C9orf85: variants seen among roughly 807,000 people sequenced by gnomAD.
The protein encoded by C9orf85 is uncharacterized protein C9orf85.
A neutral mutation model predicts 14.9 loss-of-function variants in C9orf85; 16 were observed. The observed-to-expected ratio is 1.08, with a 90% CI of 0.73 to 1.63. C9orf85 has a LOEUF of 1.63. C9orf85 is among the 40% of genes most tolerant of loss of function. The probability of loss-of-function intolerance (pLI) is 0.00; values close to 1 mark genes in which losing one functional copy is unlikely to be tolerated. For missense variants in C9orf85, 172 were observed against 186.1 expected, an observed-to-expected ratio of 0.92 and a Z score of 0.44; for synonymous variants, 45 against 56.8, an observed-to-expected ratio of 0.79 and a Z score of 0.93.
rs140429938 is a variant in C9orf85, at chr9:71,917,141, T to G, written c.102+5305T>G. On this transcript the variant is annotated intron_variant, in intron 1 of 3. Coordinates refer to ENST00000334731, the MANE Select transcript of C9orf85 (RefSeq NM_182505.5). ...AGCCCTCCATGTGTATGTGTGATTT[T>G]AAAAAATATATGTACTGTATTTTTG... Among the ~76,000 whole-genome samples the G allele has an allele frequency of 2.3e-4, 35 of 152,354 alleles. No homozygotes were observed. The East Asian group carries it at 6.2e-3, about 27-fold the overall frequency.
At chr9:71,952,414 T>G (rs560622401) in intron 2 of C9orf85, among the ~76,000 whole-genome samples, 17 of 152,274 alleles carry the variant, frequency 1.1e-4, no homozygotes, top group East Asian at 9.7e-4. Flanking sequence ...GCCCAGGCTG[T>G]AGTGCAGTGG....
At chr9:71,969,999 C>T (rs968240972) in intron 2 of C9orf85, among the ~76,000 whole-genome samples, 1 of 151,116 alleles carries the variant, frequency 6.6e-6, no homozygotes, top group Non-Finnish European at 1.5e-5. Context: ...GGCTGGAGTG[C>T]AATGGCACAA....
chr9:71,914,179 T>G (rs1033336101), intron 1 of C9orf85, among the ~76,000 whole-genome samples: 16 of 152,180 alleles, frequency 1.1e-4, no homozygotes, highest in Non-Finnish European at 2.4e-4. Context: ...TTTGATCTGG[T>G]GACATCTAAC....
At chr9:71,954,246 A>C (rs1370503364) in intron 2 of C9orf85, among the ~76,000 whole-genome samples, 1 of 139,682 alleles carries the variant, frequency 7.2e-6, no homozygotes, top group African/African-American at 2.7e-5. Flanking sequence ...GTGTACTATA[A>C]TGTGAGAGTT....
intron 1 of C9orf85, among the ~76,000 whole-genome samples, chr9:71,928,148 C>G (rs971033710): frequency 7.6e-6 from 1 of 131,318 alleles, no homozygotes; most frequent in Non-Finnish European, 1.5e-5. Flanking sequence ...GATTCTGCCA[C>G]TGTACTCCAG....
At chr9:71,928,414 A>G (rs4352911) in intron 1 of C9orf85, among the ~76,000 whole-genome samples, 146,076 of 152,252 alleles carry the variant, frequency 0.96, 70,383 homozygotes, top group East Asian at 1. Flanking sequence ...AAGGGACTAC[A>G]CATCATGAAT....
intron 3 of C9orf85, among the ~76,000 whole-genome samples, chr9:71,979,637 C>A (rs898140856): frequency 2.0e-5 from 3 of 152,108 alleles, no homozygotes; most frequent in African/African-American, 7.2e-5. Context: ...TTAAATAATA[C>A]CACCCATAAA....
intron 2 of C9orf85, among the ~76,000 whole-genome samples, chr9:71,964,009 G>T (rs1393635269): frequency 2.0e-5 from 3 of 152,198 alleles, no homozygotes; most frequent in Non-Finnish European, 4.4e-5. Flanking sequence ...TCCTGAGTCT[G>T]GTGGGGACGT....
intron 1 of C9orf85, among the ~76,000 whole-genome samples, chr9:71,928,163 G>A (rs1045126028): frequency 7.7e-6 from 1 of 129,192 alleles, no homozygotes; most frequent in African/African-American, 3.0e-5. Context: ...CTCCAGCCTG[G>A]GCAACAGAAT....
intron 2 of C9orf85, among the ~76,000 whole-genome samples, 172 bp downstream of exon 2, chr9:71,947,284 C>T (rs1284613037): frequency 6.6e-6 from 1 of 151,988 alleles, no homozygotes; most frequent in African/African-American, 2.4e-5. Flanking sequence ...TTGTGAAGGC[C>T]GACAGATTTA....
chr9:71,966,452 T>A (rs1435144466), intron 2 of C9orf85, among the ~76,000 whole-genome samples: 2 of 152,036 alleles, frequency 1.3e-5, no homozygotes, highest in Non-Finnish European at 2.9e-5. Flanking sequence ...TTTGGAAAAA[T>A]TTATATTTAG....
chr9:71,932,646 G>T (rs1828098240), intron 1 of C9orf85, among the ~76,000 whole-genome samples: 1 of 152,054 alleles, frequency 6.6e-6, no homozygotes, highest in South Asian at 2.1e-4. Context: ...GCAAACCCTG[G>T]GGAAAGAAGA....
intron 1 of C9orf85, among the ~76,000 whole-genome samples, chr9:71,916,647 T>C (rs1827659385): frequency 1.3e-5 from 2 of 152,188 alleles, no homozygotes; most frequent in Admixed American, 1.3e-4. Context: ...ATTTTGGAAA[T>C]ATAGTTTTAT....
intron 2 of C9orf85, among the ~76,000 whole-genome samples, chr9:71,954,204 G>A (rs1342414228): frequency 6.7e-6 from 1 of 150,068 alleles, no homozygotes; most frequent in Non-Finnish European, 1.5e-5. Flanking sequence ...GGCTAAGAGA[G>A]CTTTGTCAGC....
chr9:71,973,646 TATA>T (rs1822946939), downstream of C9orf85, among the ~76,000 whole-genome samples: 1 of 152,132 alleles, frequency 6.6e-6, no homozygotes, highest in Non-Finnish European at 1.5e-5. Flanking sequence ...ATGCATTTTT[TATA>T]ATAATTATAA....
At chr9:71,918,598 A>C in intron 1 of C9orf85, 1 of 378,164 alleles carries the variant, frequency 2.6e-6, no homozygotes, top group Non-Finnish European at 5.2e-6. Flanking sequence ...CCACTCCCCA[A>C]CTCTCACATT....
chr9:71,913,054 C>T (rs550358330), intron 1 of C9orf85, among the ~76,000 whole-genome samples: 13 of 152,060 alleles, frequency 8.5e-5, no homozygotes, highest in Admixed American at 2.6e-4. Flanking sequence ...AGGTGTGCGG[C>T]TTGAGTGAGT....
At chr9:71,939,334 A>G (rs1403363956) in intron 1 of C9orf85, among the ~76,000 whole-genome samples, 1 of 152,004 alleles carries the variant, frequency 6.6e-6, no homozygotes, top group Non-Finnish European at 1.5e-5. Flanking sequence ...AACCAAAGAC[A>G]TTGGAAAAAA....
At chr9:71,974,872 T>A (rs1346694560), downstream of C9orf85, among the ~76,000 whole-genome samples, 2 of 152,224 alleles carry the variant, frequency 1.3e-5, no homozygotes, top group South Asian at 4.1e-4. Context: ...TCTTAATAAT[T>A]GTATTTCTAA....
Sources: allele counts gnomAD v4.1 joint callset (sites outside exome capture counted in the v4.1 genomes callset), GRCh38; gene constraint gnomAD v4.1.1; transcripts MANE v1.5; gene names NCBI Gene and HGNC (gene_info 2026-07-23, HGNC 2026-07-21).